The following DTYMK variants were observed in gnomAD, a reference collection of about 807,000 sequenced individuals.
The protein encoded by DTYMK is thymidylate kinase.
DTYMK carries 20 observed loss-of-function variants against 20.3 expected under a neutral mutation model. The ratio of observed to expected loss-of-function variants is 0.99; its 90% CI spans 0.69 to 1.43. DTYMK has a LOEUF of 1.43. DTYMK is among the 40% of genes most tolerant of loss of function. DTYMK has a pLI of 0.00. For missense variants in DTYMK, 320 were observed against 291.1 expected, an observed-to-expected ratio of 1.10 and a Z score of -0.72; for synonymous variants, 148 against 124.4, an observed-to-expected ratio of 1.19 and a Z score of -1.27.
In DTYMK at chr2:241,685,818, C is replaced by G; in HGVS notation, c.190G>C (p.Glu64Gln). ...SSYLQKKSDV[E>Q]DHSVHLLFSA... is the part of the protein sequence containing the mutation. Reference sequence around the variant, plus strand: ...AAAAGCAGGTGCACCGAGTGATCCTCCACGTCACTTTTCTTTTGCAAGTAG... The same window carrying G: ...AAAAGCAGGTGCACCGAGTGATCCTGCACGTCACTTTTCTTTTGCAAGTAG... Residue 64 changes from glutamate to glutamine, a missense_variant, in exon 2 of 5, where the codon GAG (glutamate) becomes CAG (glutamine). Coordinates refer to ENST00000305784, the MANE Select transcript of DTYMK (RefSeq NM_012145.4). 2 of 1,614,200 alleles carry G rather than the reference C, an allele frequency of 1.2e-6. No individual in the cohort carries two copies. The highest frequency in any genetic ancestry group is 2.2e-5 in the South Asian group (2 of 91,088).
At position 241,676,001 on chromosome 2, in the gene DTYMK, T is replaced by G; in HGVS notation, c.*126A>C. On this transcript the variant is annotated 3_prime_UTR_variant, in exon 5 of 5. Transcript: ENST00000305784. ...CGGGGCAGAAGAGGCAGCCTGCAGA[T>G]CTCTGCTGCCGGGAAAGAGCTCCTG... is the stretch of plus-strand genomic sequence containing the variant. The G allele has an allele frequency of 1.1e-6, 1 of 931,428 alleles. No homozygotes were observed. Among genetic ancestry groups the G allele is most frequent in the Non-Finnish European group, 1.5e-6 (1 of 648,520 alleles). 57.7% of individuals were successfully genotyped at this position (931,428 alleles called of 1,614,324 possible).
rs1010206203 is a variant in DTYMK at position 241,676,328 on chromosome 2, G to C, written c.529-91C>G. 4.0e-6 allele frequency: 5 copies of C among 1,254,782 alleles called. No homozygotes were observed. The African/African-American group carries it at 6.0e-5, about 15-fold the overall frequency. 77.7% of individuals were successfully genotyped at this position (1,254,782 alleles called of 1,614,324 possible). ...CCCACGCCTGTAATCCCAGCACTTT[G>C]GGAGGCCCACGAGGGAGGACTGCTT... On this transcript the variant is annotated intron_variant, in intron 4 of 4. Coordinates refer to ENST00000305784, the MANE Select transcript of DTYMK (RefSeq NM_012145.4).
Position 241,675,867 on chromosome 2 carries a change from AAC to A in DTYMK, c.*258_*259del, listed in dbSNP as rs1386079311. 2.3e-5 allele frequency: 8 copies of A among 351,796 alleles called. No individual in the cohort carries two copies. Among genetic ancestry groups the A allele is most frequent in the South Asian group, 1.4e-4 (2 of 13,828 alleles). The allele number at this position is 351,796 out of a possible 1,614,324, so 21.8% of individuals were successfully genotyped here. Reference sequence around the variant, plus strand: ...TCACTGAACTTCAGTAAGAAAATACAACAGAGTGCCATCAGGACAGGGGAGAG... The same window carrying A: ...TCACTGAACTTCAGTAAGAAAATACAAGAGTGCCATCAGGACAGGGGAGAG... On this transcript the variant is annotated 3_prime_UTR_variant, in exon 5 of 5. Transcript: ENST00000305784.
chr2:241,681,162 A>T (rs1487010886), intron 2 of DTYMK, among the ~76,000 whole-genome samples: 5 of 152,214 alleles, frequency 3.3e-5, no homozygotes, highest in Admixed American at 1.3e-4. Flanking sequence ...AGTGAGAAGC[A>T]CTGCTCAAGA....
chr2:241,679,967 T>TA (rs2069201063), intron 3 of DTYMK, among the ~76,000 whole-genome samples: 1 of 121,180 alleles, frequency 8.3e-6, no homozygotes, highest in Non-Finnish European at 1.8e-5. Flanking sequence ...AGAGACTGTC[T>TA]CCCCAAAAAA....
At chr2:241,678,916 T>C (rs2069179579) in intron 3 of DTYMK, among the ~76,000 whole-genome samples, 1 of 152,172 alleles carries the variant, frequency 6.6e-6, no homozygotes, top group Non-Finnish European at 1.5e-5. Flanking sequence ...CCAGGCCCCA[T>C]GGAGGCCCTC....
intron 2 of DTYMK, 98 bp downstream of exon 2, chr2:241,685,671 T>G (rs1055538629): frequency 3.1e-5 from 40 of 1,302,456 alleles, no homozygotes; most frequent in Non-Finnish European, 4.2e-5. Flanking sequence ...GGCCCAGCAC[T>G]ACTGTCACTG....
intron 2 of DTYMK, chr2:241,682,188 C>T (rs2069270629): frequency 4.5e-6 from 2 of 448,058 alleles, no homozygotes; most frequent in Admixed American, 2.4e-5. Context: ...AAAAATTTTA[C>T]AAAAATTAGC....
At chr2:241,683,211 A>C (rs1415741609) in intron 2 of DTYMK, among the ~76,000 whole-genome samples, 1 of 152,246 alleles carries the variant, frequency 6.6e-6, no homozygotes, top group African/African-American at 2.4e-5. Context: ...TAGAACAATG[A>C]GATGCCACAC....
rs1203556595 is a variant in DTYMK at position 241,679,846 on chromosome 2, A to G, written c.330+383T>C. On this transcript the variant is annotated intron_variant, in intron 3 of 4. Coordinates refer to ENST00000305784, the MANE Select transcript of DTYMK (RefSeq NM_012145.4). ...TAGCTGGGCACGGTGGTGCATGCCT[A>G]TAATCCCAGATACTCGGGAGACTGA... Among the ~76,000 whole-genome samples the G allele has an allele frequency of 4.6e-5, 7 of 152,010 alleles. No individual in the cohort carries two copies. In the East Asian group the frequency reaches 7.8e-4, roughly 17 times the overall value.
In DTYMK at chr2:241,685,770, C is replaced by A; in HGVS notation, c.238G>T (p.Val80Leu). Residue 80 changes from valine (V) to leucine (L), a missense_variant and splice_region_variant, in exon 2 of 5, where the codon GTG becomes TTG. Transcript: ENST00000305784. ...LLFSANRWEQ[V>L]PLIKEKLSQG... is the part of the protein sequence containing the mutation. ...GGAGCAGTGTGCAATGGTTTTTACA[C>A]TTGTTCCCAGCGATTTGCAGAAAAA... 6.2e-7 allele frequency: 1 copy of A among 1,613,982 alleles called. No individual in the cohort carries two copies. The highest frequency in any genetic ancestry group is 8.5e-7 in the Non-Finnish European group (1 of 1,179,856).
At chr2:241,676,660 A>C (rs1245960826) in intron 4 of DTYMK, among the ~76,000 whole-genome samples, 2 of 152,228 alleles carry the variant, frequency 1.3e-5, no homozygotes, top group African/African-American at 2.4e-5. Flanking sequence ...CAGGAGAAAC[A>C]TGATGTGCCA....
chr2:241,678,587 C>A lies in DTYMK; in HGVS notation c.393G>T (p.Leu131=), dbSNP rs781076311. The A allele has an allele frequency of 1.2e-6, 2 of 1,614,196 alleles. No homozygotes were observed. The highest frequency in any genetic ancestry group is 4.5e-5 in the East Asian group (2 of 44,890). The change falls in exon 4 of 5, where the codon CTG becomes CTT. Residue 131 remains leucine, a synonymous_variant. Transcript: ENST00000305784. The part of the protein sequence containing the change: ...DVGLPKPDLV[L]FLQLQLADAA... Reference sequence around the variant, plus strand: ...CATCCGCCAGCTGTAACTGGAGGAACAGGACCAGGTCGGGTTTGGGAAGGC... The same window carrying A: ...CATCCGCCAGCTGTAACTGGAGGAAAAGGACCAGGTCGGGTTTGGGAAGGC...
chr2:241,679,350 C>T (rs936763205), intron 3 of DTYMK, among the ~76,000 whole-genome samples: 2 of 152,216 alleles, frequency 1.3e-5, no homozygotes, highest in Non-Finnish European at 2.9e-5. Flanking sequence ...GCCTGCGGCT[C>T]TGTCAGCTGA....
chr2:241,680,487 T>C (rs1434981836), intron 2 of DTYMK, among the ~76,000 whole-genome samples, 168 bp from the exon 3 acceptor site: 4 of 152,048 alleles, frequency 2.6e-5, no homozygotes, highest in Non-Finnish European at 5.9e-5. Context: ...CCATCCTGGC[T>C]AACATGGTGA....
At chr2:241,678,380 T>C (rs1020996338) in intron 4 of DTYMK, 72 bp downstream of exon 4, 5 of 1,593,042 alleles carry the variant, frequency 3.1e-6, no homozygotes, top group Middle Eastern at 2.0e-4. Context: ...CTGACACAAC[T>C]GTGCCAGCCA....
Position 241,685,863 on chromosome 2 carries a change from T to C in DTYMK, c.145A>G (p.Ile49Val). Residue 49 changes from isoleucine to valine, a missense_variant, in exon 2 of 5, where the codon ATC becomes GTC. Transcript: ENST00000305784. ...AAGTAGGAACTCAGAAGTTTGCCGA[T>C]TTCAGTTGATCTTTCTAGAAAAAAA... ...LLRFPERSTE[I>V]GKLLSSYLQK... The C allele has an allele frequency of 6.2e-7, 1 of 1,614,144 alleles. No homozygotes were observed. Among genetic ancestry groups the C allele is most frequent in the Non-Finnish European group, 8.5e-7 (1 of 1,180,002 alleles).
intron 2 of DTYMK, among the ~76,000 whole-genome samples, chr2:241,680,795 T>G (rs1337654380): frequency 6.6e-6 from 1 of 152,206 alleles, no homozygotes; most frequent in East Asian, 1.9e-4. Flanking sequence ...CTCTAGAAGA[T>G]GCCATACCCA....
intron 2 of DTYMK, 89 bp from the exon 3 acceptor site, chr2:241,680,408 G>A (rs112883255): frequency 2.1e-6 from 3 of 1,412,234 alleles, no homozygotes; most frequent in African/African-American, 1.4e-5. Flanking sequence ...TGTGCGCAGT[G>A]GCTCACCCCT....
Sources: gnomAD v4.1 joint callset for allele counts (sites outside exome capture counted in the v4.1 genomes callset) on GRCh38, gnomAD v4.1.1 for gene constraint, MANE v1.5 for transcripts, NCBI Gene and HGNC (gene_info 2026-07-23, HGNC 2026-07-21) for gene names.